The following MVB12B variants were observed in gnomAD, a reference collection of about 807,000 sequenced individuals.
MVB12B encodes the protein ESCRT-I complex subunit MVB12B.
MVB12B carries 16 observed loss-of-function variants against 41.6 expected under a neutral mutation model. The ratio of observed to expected loss-of-function variants is 0.38; its 90% confidence interval spans 0.26 to 0.58. The LOEUF (loss-of-function observed/expected upper bound fraction) is 0.58. Ranked by LOEUF, MVB12B falls within the 20% of genes least tolerant of loss-of-function variation. The pLI is 0.62. For synonymous variants in MVB12B, 133 were observed against 139.7 expected, an observed-to-expected ratio of 0.95 and a Z score of 0.34; for missense variants, 274 against 380.2, an observed-to-expected ratio of 0.72 and a Z score of 2.32.
rs536654410 is a variant in MVB12B, at chr9:126,360,955, C to G, written c.205-20109C>G. Among the ~76,000 whole-genome samples, 25 of 152,238 alleles carry G rather than the reference C, an allele frequency of 1.6e-4. 1 individual carries two copies. In the South Asian group the frequency reaches 4.1e-3, roughly 25 times the overall value. On this transcript the variant is annotated intron_variant, in intron 2 of 9. Transcript: ENST00000361171. Reference sequence around the variant, plus strand: ...TTCTTTTCCATCCTTTTGCTTTGAACCTATCTGTGTCTTTATATTTGAAGT... The same window carrying G: ...TTCTTTTCCATCCTTTTGCTTTGAAGCTATCTGTGTCTTTATATTTGAAGT...
intron 7 of MVB12B, among the ~76,000 whole-genome samples, chr9:126,462,199 C>T (rs1266571688): frequency 1.3e-5 from 2 of 152,194 alleles, no homozygotes; most frequent in Non-Finnish European, 2.9e-5. Flanking sequence ...GAGCTTTGAA[C>T]CACAATGACA....
chr9:126,328,843 T>C (rs1437122577), intron 1 of MVB12B, among the ~76,000 whole-genome samples: 1 of 152,084 alleles, frequency 6.6e-6, no homozygotes, highest in Non-Finnish European at 1.5e-5. Context: ...AGTGCAGTGG[T>C]ACCATCATGG....
At chr9:126,492,165 G>A (rs1352373092) in intron 9 of MVB12B, among the ~76,000 whole-genome samples, 1 of 146,298 alleles carries the variant, frequency 6.8e-6, no homozygotes, top group Non-Finnish European at 1.5e-5. Context: ...AGTACTGCCG[G>A]CTGCGACCTG....
intron 7 of MVB12B, among the ~76,000 whole-genome samples, chr9:126,435,887 G>A (rs189998794): frequency 2.0e-5 from 3 of 152,350 alleles, no homozygotes; most frequent in Admixed American, 2.0e-4. Context: ...TGAAGGGTAC[G>A]GCTGTAGATG....
chr9:126,469,797 C>G lies in MVB12B; in HGVS notation c.758-11572C>G, dbSNP rs563614278. Among the ~76,000 whole-genome samples, 4 of 152,314 alleles carry G rather than the reference C, an allele frequency of 2.6e-5. No individual in the cohort carries two copies. In the South Asian group the frequency reaches 6.2e-4, roughly 24 times the overall value. Reference sequence around the variant, plus strand: ...GGTGTGTGCACTGACCCAGTGGCCCCTCAGCCACCAGGGTACCTTTGAACT... The same window carrying G: ...GGTGTGTGCACTGACCCAGTGGCCCGTCAGCCACCAGGGTACCTTTGAACT... On this transcript the variant is annotated intron_variant, in intron 7 of 9. Transcript: ENST00000361171.
intron 9 of MVB12B, among the ~76,000 whole-genome samples, chr9:126,488,012 G>A (rs1266921849): frequency 1.3e-5 from 2 of 152,198 alleles, no homozygotes; most frequent in Non-Finnish European, 2.9e-5. Flanking sequence ...ACACACTCTG[G>A]CCAACGGGCT....
At position 126,392,187 on chromosome 9, in the gene MVB12B, G is replaced by A. The variant is rs762682489; in HGVS notation, c.531G>A (p.Thr177=). ...GRTKQAPPQY[T]FIGELNSMGI... ...CCAAGCAGGCCCCGCCTCAGTACAC[G>A]TTTATTGGGTGAGTCTTAATAACAG... Residue 177 remains threonine (T), a synonymous_variant, in exon 5 of 10, where the codon ACG becomes ACA. Coordinates refer to ENST00000361171, the MANE Select transcript of MVB12B (RefSeq NM_033446.3). The surrounding 1 kb of genome is among the most constrained non-coding windows in gnomAD (Gnocchi z 4.8). 70 of 1,614,002 alleles carry A rather than the reference G, an allele frequency of 4.3e-5. No homozygotes were observed. The highest frequency in any genetic ancestry group is 5.8e-5 in the Non-Finnish European group (68 of 1,180,004).
chr9:126,395,251 C>T lies in MVB12B; in HGVS notation c.540-324C>T, dbSNP rs145740870. ...ACAAAGGACTTGATGTGGATTATCA[C>T]GTCACACTCCACAAGGAAATGGCAA... On this transcript the variant is annotated intron_variant, in intron 5 of 9. Transcript: ENST00000361171. This position sits in a 1 kb window ranked among gnomAD's most constrained non-coding sequence, Gnocchi z 4.9. 4.6e-5 allele frequency among the ~76,000 whole-genome samples: 7 copies of T among 152,174 alleles called. No individual in the cohort carries two copies. Among genetic ancestry groups the T allele is most frequent in the Admixed American group, 2.0e-4 (3 of 15,274 alleles).
At chr9:126,460,347 G>C (rs10987288) in intron 7 of MVB12B, among the ~76,000 whole-genome samples, 40,344 of 151,922 alleles carry the variant, frequency 0.27, 5,465 homozygotes, top group Middle Eastern at 0.33. Context: ...AACATAAGTC[G>C]CCAAACTAAA....
In MVB12B at chr9:126,468,446, C is replaced by T. The variant is rs906772594; in HGVS notation, c.758-12923C>T. Among the ~76,000 whole-genome samples the T allele has an allele frequency of 2.6e-5, 4 of 152,326 alleles. No homozygotes were observed. Among genetic ancestry groups the T allele is most frequent in the South Asian group, 2.1e-4 (1 of 4,828 alleles). On this transcript the variant is annotated intron_variant, in intron 7 of 9. Coordinates refer to ENST00000361171, the MANE Select transcript of MVB12B (RefSeq NM_033446.3). The surrounding 1 kb of genome is among the most constrained non-coding windows in gnomAD (Gnocchi z 4.3). The stretch of plus-strand genomic sequence containing the variant: ...TCATCTCTGCTGCTTTTCCGCTGGC[C>T]CCCACGCCCCGTCAGTACCTGGCAT...
In MVB12B at chr9:126,503,274, G is replaced by A. The variant is rs1198788516; in HGVS notation, c.*11G>A. 6.5e-7 allele frequency: 1 copy of A among 1,549,134 alleles called. No homozygotes were observed. On this transcript the variant is annotated 3_prime_UTR_variant, in exon 10 of 10. Coordinates refer to ENST00000361171, the MANE Select transcript of MVB12B (RefSeq NM_033446.3). ...ATCCCGCAGTCCTGAGGAGCCAGCGGCCACCTGCGGGGAGACCACCGCCGC... is the reference window on the plus strand; with the variant it reads ...ATCCCGCAGTCCTGAGGAGCCAGCGACCACCTGCGGGGAGACCACCGCCGC...
intron 9 of MVB12B, among the ~76,000 whole-genome samples, chr9:126,494,939 C>T (rs1833800643): frequency 6.6e-6 from 1 of 151,222 alleles, no homozygotes; most frequent in African/African-American, 2.4e-5. Context: ...CACCTGTAAT[C>T]CCAGCCCTTT....
chr9:126,474,332 A>G (rs1833379538), intron 7 of MVB12B, among the ~76,000 whole-genome samples: 1 of 152,234 alleles, frequency 6.6e-6, no homozygotes, highest in South Asian at 2.1e-4. Flanking sequence ...CAGCTAGGGA[A>G]AAAGAAAGGA....
intron 7 of MVB12B, among the ~76,000 whole-genome samples, chr9:126,442,424 G>A (rs978358785): frequency 5.9e-5 from 9 of 152,132 alleles, no homozygotes; most frequent in African/African-American, 2.2e-4. Flanking sequence ...GCTTATCAGT[G>A]GATATCATTG....
chr9:126,364,862 C>T (rs1564290871), intron 2 of MVB12B, among the ~76,000 whole-genome samples: 1 of 151,890 alleles, frequency 6.6e-6, no homozygotes, highest in African/African-American at 2.4e-5. Flanking sequence ...CGCCATTCTC[C>T]TGCCTCAGCC....
At chr9:126,499,432 T>A (rs1833905716) in intron 9 of MVB12B, among the ~76,000 whole-genome samples, 1 of 152,156 alleles carries the variant, frequency 6.6e-6, no homozygotes, top group Non-Finnish European at 1.5e-5. Flanking sequence ...TAATTGAAAA[T>A]TTTTTTAATT....
chr9:126,364,260 T>G (rs1402024828), intron 2 of MVB12B, among the ~76,000 whole-genome samples: 3 of 152,216 alleles, frequency 2.0e-5, no homozygotes, highest in African/African-American at 7.2e-5. Context: ...CCAGTTTATC[T>G]CCTTTCCTTT....
intron 7 of MVB12B, among the ~76,000 whole-genome samples, chr9:126,466,492 A>G (rs1833201289): frequency 6.6e-6 from 1 of 152,182 alleles, no homozygotes; most frequent in Admixed American, 6.5e-5. Context: ...GACAAATCAT[A>G]TTGCTAGGGG....
intron 6 of MVB12B, among the ~76,000 whole-genome samples, chr9:126,416,606 G>A (rs1317163773): frequency 6.6e-6 from 1 of 152,186 alleles, no homozygotes; most frequent in Non-Finnish European, 1.5e-5. Flanking sequence ...ACCCGATAGT[G>A]AAGCTGAATC....
Sources: gnomAD v4.1 joint callset for allele counts (sites outside exome capture counted in the v4.1 genomes callset) on GRCh38, gnomAD v4.1.1 for gene constraint, Gnocchi (gnomAD v3.1) non-coding constraint, MANE v1.5 for transcripts, NCBI Gene and HGNC (gene_info 2026-07-23, HGNC 2026-07-21) for gene names.